ZNF83: variants seen among roughly 807,000 people sequenced by gnomAD.
The protein encoded by ZNF83 is zinc finger protein 83.
For synonymous variants in ZNF83, 209 were observed against 213.0 expected (o/e 0.98, Z 0.17); for missense variants, 552 against 629.9 (o/e 0.88, Z 1.32).
intron 1 of ZNF83, among the ~76,000 whole-genome samples, chr19:52,679,243 G>C (rs763977922): frequency 1.5e-4 from 23 of 152,206 alleles, no homozygotes; most frequent in Admixed American, 5.2e-4. Flanking sequence ...CTGCTGCTTA[G>C]AGAAGACGAT....
chr19:52,614,795 T>C (rs953703310), exon 3 of ZNF83: 1 of 1,282,330 alleles, frequency 7.8e-7, no homozygotes, highest in Non-Finnish European at 9.9e-7. Context: ...TTAGAAAAAA[T>C]ACCTACAAGA....
chr19:52,679,954 G>A lies in ZNF83; in HGVS notation c.-283+10489C>T, dbSNP rs552185030. Among the ~76,000 whole-genome samples, 18 of 152,272 alleles carry A rather than the reference G, an allele frequency of 1.2e-4. No individual in the cohort carries two copies. In the East Asian group the frequency reaches 3.1e-3, roughly 26 times the overall value. ...CCAGCACTTTGAGAGGCTGAGGCGG[G>A]TGGATCACCTGAGGTTGGGGTTCGA... On this transcript the variant is annotated intron_variant, in intron 1 of 5. Coordinates refer to the ZNF83 transcript ENST00000594682.
At chr19:52,662,866 G>A (rs976464171) in intron 1 of ZNF83, among the ~76,000 whole-genome samples, 3 of 152,068 alleles carry the variant, frequency 2.0e-5, no homozygotes, top group African/African-American at 7.2e-5. Flanking sequence ...TTTTTCTCTA[G>A]AAAATTGCAG....
chr19:52,644,935 G>A (rs1234885361), intron 3 of ZNF83, among the ~76,000 whole-genome samples: 4 of 151,382 alleles, frequency 2.6e-5, no homozygotes, highest in South Asian at 2.1e-4. Flanking sequence ...GCTTGAACCC[G>A]GGAGGAGGAG....
At chr19:52,686,012 A>T (rs1294183821) in intron 1 of ZNF83, among the ~76,000 whole-genome samples, 1 of 152,178 alleles carries the variant, frequency 6.6e-6, no homozygotes, top group African/African-American at 2.4e-5. Context: ...GCCTTGAGGG[A>T]AACATGAACT....
chr19:52,620,299 T>C (rs1352573198), intron 2 of ZNF83, among the ~76,000 whole-genome samples: 1 of 151,480 alleles, frequency 6.6e-6, no homozygotes, highest in Non-Finnish European at 1.5e-5. Context: ...TGTGTATATA[T>C]AGTTTCCTTT....
chr19:52,641,739 T>A (rs2061308734), upstream of ZNF83, among the ~76,000 whole-genome samples: 1 of 152,130 alleles, frequency 6.6e-6, no homozygotes, highest in Non-Finnish European at 1.5e-5. Flanking sequence ...ATCTAACAGG[T>A]CTCAATCAAT....
chr19:52,633,300 CTT>C (rs2061036298), intron 2 of ZNF83, among the ~76,000 whole-genome samples: 1 of 152,068 alleles, frequency 6.6e-6, no homozygotes, highest in Admixed American at 6.5e-5. Flanking sequence ...CGCTGACTCT[CTT>C]TTCAGACTCA....
In ZNF83 at chr19:52,677,315, A is replaced by C. The variant is rs970251549; in HGVS notation, c.-283+13128T>G. ...CAGACAAATTGAGAAGTAAAAAAAA[A>C]AAAAAAAAAAAAAAACAAAAATTAG... On this transcript the variant is annotated intron_variant, in intron 1 of 5. Transcript: ENST00000594682. 1.2e-4 allele frequency among the ~76,000 whole-genome samples: 13 copies of C among 109,730 alleles called. No individual in the cohort carries two copies. The South Asian group carries it at 2.1e-3, about 18-fold the overall frequency. 72.0% of individuals were successfully genotyped at this position (109,730 alleles called of 152,430 possible).
At chr19:52,676,694 G>C (rs955873512) in intron 1 of ZNF83, among the ~76,000 whole-genome samples, 8 of 136,006 alleles carry the variant, frequency 5.9e-5, no homozygotes, top group East Asian at 2.0e-4. Flanking sequence ...AGCGGGGAAA[G>C]GTGGGGAAAA....
intron 2 of ZNF83, chr19:52,655,695 TA>T (rs1373786373): frequency 2.9e-6 from 3 of 1,020,980 alleles, no homozygotes; most frequent in Non-Finnish European, 3.0e-6. Flanking sequence ...TCCCTAAAAT[TA>T]AACACACATT....
Position 52,614,160 on chromosome 19 carries a change from G to T in ZNF83, c.405C>A (p.Asn135Lys), listed in dbSNP as rs562595949. ...TATGAATTCTTTGATGACTTGCAAG[G>T]TTTGATTTTTTATTGAAGATCTTGC... The change falls in exon 3 of 3, where the codon AAC becomes AAA. Residue 135 changes from asparagine (N) to lysine (K), a missense_variant. Physicochemically the swap from Asn to Lys is moderately conservative, Grantham distance 94 (BLOSUM62 0). Coordinates refer to ENST00000301096, the Ensembl canonical transcript of ZNF83. The T allele has an allele frequency of 3.7e-6, 6 of 1,614,060 alleles. No homozygotes were observed. The South Asian group carries it at 5.5e-5, about 15-fold the overall frequency.
intron 1 of ZNF83, among the ~76,000 whole-genome samples, chr19:52,686,825 G>C (rs988713577): frequency 2.0e-5 from 3 of 151,976 alleles, no homozygotes; most frequent in African/African-American, 4.8e-5. Flanking sequence ...CTCTCACCTC[G>C]GTCTCCCAAA....
chr19:52,661,076 G>A (rs960382933), intron 1 of ZNF83, among the ~76,000 whole-genome samples: 3 of 151,886 alleles, frequency 2.0e-5, no homozygotes, highest in Non-Finnish European at 4.4e-5. Flanking sequence ...TGTTGGCCAG[G>A]AGAGTCTCAA....
chr19:52,653,896 C>T (rs556755969), intron 3 of ZNF83, among the ~76,000 whole-genome samples: 1 of 152,328 alleles, frequency 6.6e-6, no homozygotes, highest in Non-Finnish European at 1.5e-5. Context: ...ACACTCATTA[C>T]ATTGGAAAGG....
At chr19:52,677,329 A>T (rs28695294) in intron 1 of ZNF83, among the ~76,000 whole-genome samples, 88,559 of 129,136 alleles carry the variant, frequency 0.69, 30,840 homozygotes, top group African/African-American at 0.85. Context: ...AAAAAAAAAA[A>T]ACAAAAATTA....
chr19:52,639,415 AT>A (rs1160711365), upstream of ZNF83, among the ~76,000 whole-genome samples: 10,080 of 86,226 alleles, frequency 0.12, 431 homozygotes, highest in Admixed American at 0.16. Context: ...AGTTTTTTCT[AT>A]TTTTTTTTTT....
At chr19:52,618,155 A>C (rs1001886143) in intron 2 of ZNF83, 2 of 152,184 alleles carry the variant, frequency 1.3e-5, no homozygotes, top group African/African-American at 2.4e-5. Context: ...GCAGTCATGC[A>C]TTCTCGGCTC....
At chr19:52,624,481 A>C (rs944512170) in intron 2 of ZNF83, among the ~76,000 whole-genome samples, 3 of 152,184 alleles carry the variant, frequency 2.0e-5, no homozygotes, top group South Asian at 4.1e-4. Context: ...TGCTGTCCTA[A>C]CAAAACCATT....
Sources: gnomAD v4.1 joint callset for allele counts (sites outside exome capture counted in the v4.1 genomes callset) on GRCh38, gnomAD v4.1.1 for gene constraint, MANE v1.5 for transcripts, NCBI Gene and HGNC (gene_info 2026-07-23, HGNC 2026-07-21) for gene names.